The following VPS13C variants were observed in gnomAD, a reference collection of about 807,000 sequenced individuals.
VPS13C encodes intermembrane lipid transfer protein VPS13C.
A neutral mutation model predicts 456.8 loss-of-function variants in VPS13C; 358 were observed. That is an observed-to-expected ratio of 0.78 (90% CI 0.72 to 0.86). VPS13C has a LOEUF of 0.86. Among genes scored for constraint, VPS13C ranks in the 40% least tolerant of loss-of-function variants. The probability of loss-of-function intolerance (pLI) is 0.00; values close to 1 mark genes in which losing one functional copy is unlikely to be tolerated. For synonymous variants in VPS13C, 1,578 were observed against 1,486.7 expected (o/e 1.06, Z -1.41); for missense variants, 4,818 against 4,385.4 (o/e 1.10, Z -2.79).
At chr15:62,041,280 A>G (rs767763457) in intron 3 of VPS13C, 44 bp downstream of exon 3, 1 of 1,568,088 alleles carries the variant, frequency 6.4e-7, no homozygotes, top group Admixed American at 2.2e-5. Context: ...AAAATAGAAA[A>G]CAATAGGACC....
At chr15:61,951,065 A>T in intron 39 of VPS13C, 41 bp from the exon 40 acceptor site, 1 of 1,341,678 alleles carries the variant, frequency 7.5e-7, no homozygotes, top group Non-Finnish European at 1.0e-6. Flanking sequence ...TCAATTAAAC[A>T]TTTCACACAT....
intron 49 of VPS13C, among the ~76,000 whole-genome samples, chr15:61,932,349 G>A (rs2044089306): frequency 6.6e-6 from 1 of 152,028 alleles, no homozygotes; most frequent in Admixed American, 6.6e-5. Flanking sequence ...CAGGGTGATT[G>A]GGCTTGGATA....
Position 61,978,726 on chromosome 15 carries a change from T to C in VPS13C, c.2190A>G (p.Leu730=). 6.2e-7 allele frequency: 1 copy of C among 1,607,594 alleles called. No individual in the cohort carries two copies. The highest frequency in any genetic ancestry group is 1.1e-5 in the South Asian group (1 of 89,578). Residue 730 remains leucine (L), a synonymous_variant, in exon 23 of 85, where the codon TTA becomes TTG. Transcript: ENST00000644861. ...TFQLNSKDQG[L]QKTTNSSLEE... ...CCAGAGATGAATTAGTAGTCTTCTG[T>C]AAACCTTGATCTTTACTGTTGAGCT...
At chr15:62,032,467 ATAGTT>A (rs939988651) in intron 5 of VPS13C, among the ~76,000 whole-genome samples, 4 of 151,818 alleles carry the variant, frequency 2.6e-5, no homozygotes, top group Non-Finnish European at 4.4e-5. Context: ...GTATTTTTAA[ATAGTT>A]TAGTAACTTT....
At chr15:62,011,437 C>T (rs1265055536) in intron 12 of VPS13C, among the ~76,000 whole-genome samples, 1 of 151,954 alleles carries the variant, frequency 6.6e-6, no homozygotes, top group East Asian at 1.9e-4. Context: ...AACATAAGTG[C>T]CAACTATTAT....
chr15:62,060,384 G>A lies in VPS13C; in HGVS notation c.-10C>T, dbSNP rs373609498. ...CCGACTCCAGCACCATGGTGGCGCT[G>A]AGGCACAAGGAGAGGGAGGAGCCGG... On this transcript the variant is annotated 5_prime_UTR_variant, in exon 1 of 85. Transcript: ENST00000644861. The A allele has an allele frequency of 5.4e-5, 82 of 1,510,490 alleles. No individual in the cohort carries two copies. The highest frequency in any genetic ancestry group is 4.9e-4 in the African/African-American group (34 of 70,088). 93.6% of individuals were successfully genotyped at this position (1,510,490 alleles called of 1,614,324 possible).
chr15:61,983,902 T>C lies in VPS13C; in HGVS notation c.1832A>G (p.Lys611Arg). 1 of 1,614,106 alleles carries C rather than the reference T, an allele frequency of 6.2e-7. No homozygotes were observed. Among genetic ancestry groups the C allele is most frequent in the Non-Finnish European group, 8.5e-7 (1 of 1,180,002 alleles). Residue 611 changes from lysine to arginine, a missense_variant, in exon 20 of 85, where the codon AAA becomes AGA. By Grantham distance (26) the Lys-to-Arg change is conservative. This residue lies in a region of VPS13C where 4,552 missense variants were observed against 4,130.6 expected (regional missense o/e 1.10). Transcript: ENST00000644861. Reference protein sequence around the residue: ...GDTTSSLLKIKFETNPEDSPA... With the variant: ...GDTTSSLLKIRFETNPEDSPA... Reference sequence around the variant, plus strand: ...ACTATCCTCCGGATTGGTTTCAAATTTAATTTTAAGCAAGGATGATGTAGT... The same window carrying C: ...ACTATCCTCCGGATTGGTTTCAAATCTAATTTTAAGCAAGGATGATGTAGT...
intron 1 of VPS13C, among the ~76,000 whole-genome samples, chr15:62,048,948 T>C (rs1396665869): frequency 9.2e-5 from 14 of 151,442 alleles, no homozygotes; most frequent in African/African-American, 3.4e-4. Context: ...TTTGATGGGG[T>C]TGTTTGTTTT....
intron 1 of VPS13C, among the ~76,000 whole-genome samples, chr15:62,051,457 C>T (rs145122984): frequency 6.6e-6 from 1 of 152,316 alleles, no homozygotes; most frequent in East Asian, 1.9e-4. Context: ...AATCCTATGG[C>T]AACCTAATAG....
chr15:61,874,936 G>T lies in VPS13C; in HGVS notation c.10354C>A (p.Pro3452Thr). Residue 3452 changes from proline (P) to threonine (T), a missense_variant, in exon 77 of 85, where the codon CCT (proline) becomes ACT (threonine). Physicochemically the swap from Pro to Thr is conservative, Grantham distance 38. Around this residue, in one of 3 missense-constraint regions of VPS13C, gnomAD observed 4,552 missense variants for 4,130.6 expected, o/e 1.10. Transcript: ENST00000644861. ...YEPFQGAVQG[P>T]EEFAEGLVIG... ...ACTAACCCCTCTGCAAATTCTTCAG[G>T]GCCTTGAACAGCACCCTGGCAAAAA... is the stretch of plus-strand genomic sequence containing the variant. 6.4e-7 allele frequency: 1 copy of T among 1,569,648 alleles called. No individual in the cohort carries two copies. The highest frequency in any genetic ancestry group is 8.6e-7 in the Non-Finnish European group (1 of 1,162,924).
chr15:61,998,496 T>C (rs1274247034), intron 16 of VPS13C, among the ~76,000 whole-genome samples: 2 of 152,200 alleles, frequency 1.3e-5, no homozygotes, highest in Non-Finnish European at 2.9e-5. Context: ...ATTTAAGTGT[T>C]TTACATGAAT....
intron 50 of VPS13C, among the ~76,000 whole-genome samples, chr15:61,930,233 T>G (rs1398902327): frequency 6.6e-6 from 1 of 152,202 alleles, no homozygotes; most frequent in Non-Finnish European, 1.5e-5. Context: ...TCATCAAGTG[T>G]TTATCAAGTG....
chr15:62,026,084 T>C (rs1010940512), intron 6 of VPS13C, among the ~76,000 whole-genome samples: 4 of 149,212 alleles, frequency 2.7e-5, no homozygotes, highest in African/African-American at 9.7e-5. Context: ...GTTGTTTTAA[T>C]TGAAGTACAT....
intron 61 of VPS13C, among the ~76,000 whole-genome samples, chr15:61,914,981 T>C (rs571484265): frequency 6.6e-6 from 1 of 150,886 alleles, no homozygotes; most frequent in Non-Finnish European, 1.5e-5. Flanking sequence ...GGATGGGATG[T>C]CTAGGCCCAT....
intron 20 of VPS13C, 39 bp from the exon 21 acceptor site, chr15:61,982,612 G>T: frequency 1.4e-6 from 2 of 1,428,756 alleles, no homozygotes; most frequent in South Asian, 1.3e-5. Context: ...AGTTACACAT[G>T]GTTCTTTCCA....
In VPS13C at chr15:61,964,323, C is replaced by T. The variant is rs199605867; in HGVS notation, c.3215-372G>A. Among the ~76,000 whole-genome samples the T allele has an allele frequency of 2.0e-5, 3 of 152,028 alleles. No individual in the cohort carries two copies. In the East Asian group the frequency reaches 5.8e-4, roughly 29 times the overall value. On this transcript the variant is annotated intron_variant, in intron 31 of 84. Coordinates refer to ENST00000644861, the MANE Select transcript of VPS13C (RefSeq NM_020821.3). The stretch of plus-strand genomic sequence containing the variant: ...GGCCAATTAGATGCTACTCCTGAAC[C>T]CTTCCCTACCTTTGTGTCTCTGAGC...
rs1390685383 is a variant in VPS13C, at chr15:61,909,122, C to T, written c.8848G>A (p.Gly2950Arg). Reference protein sequence around the residue: ...GTLLSLEDLNGGILVDVNTAE... With the variant: ...GTLLSLEDLNRGILVDVNTAE... ...GTGTTTACATCCACCAAGATACCCCCATTCTATTGTAGAAAAAAAAAAAGT... is the reference window on the plus strand; with the variant it reads ...GTGTTTACATCCACCAAGATACCCCTATTCTATTGTAGAAAAAAAAAAAGT... Residue 2950 changes from glycine (G) to arginine (R), a missense_variant, in exon 65 of 85, where the codon GGG becomes AGG. This residue lies in a region of VPS13C where 4,552 missense variants were observed against 4,130.6 expected (regional missense o/e 1.10). Transcript: ENST00000644861. 9 of 1,601,984 alleles carry T rather than the reference C, an allele frequency of 5.6e-6. No homozygotes were observed. The highest frequency in any genetic ancestry group is 1.1e-5 in the South Asian group (1 of 90,642).
At chr15:61,923,716 A>C (rs1166269866) in intron 53 of VPS13C, among the ~76,000 whole-genome samples, 1 of 149,982 alleles carries the variant, frequency 6.7e-6, no homozygotes, top group Non-Finnish European at 1.5e-5. Context: ...ATATCATCAA[A>C]AGCAGGATCT....
chr15:61,913,756 T>G (rs1428420781), intron 61 of VPS13C, among the ~76,000 whole-genome samples: 1 of 152,216 alleles, frequency 6.6e-6, no homozygotes, highest in African/African-American at 2.4e-5. Context: ...GACATAGAGC[T>G]AACAAATTTT....
Sources: allele counts gnomAD v4.1 joint callset (sites outside exome capture counted in the v4.1 genomes callset), GRCh38; gene constraint gnomAD v4.1.1; regional missense constraint gnomAD v4.1.1; transcripts MANE v1.5; gene names NCBI Gene and HGNC (gene_info 2026-07-23, HGNC 2026-07-21).